TRPM3: variants seen among roughly 807,000 people sequenced by gnomAD.
TRPM3 encodes the protein long transient receptor potential channel 3.
A neutral mutation model predicts 181.2 loss-of-function variants in TRPM3; 77 were observed. The observed-to-expected ratio is 0.42, with a 90% CI of 0.35 to 0.51. The LOEUF (loss-of-function observed/expected upper bound fraction) is 0.51. Ranked by LOEUF, TRPM3 falls within the 20% of genes least tolerant of loss-of-function variation. The pLI, the probability that TRPM3 is intolerant of heterozygous loss-of-function variation, is 0.01. For missense variants in TRPM3, 1,759 were observed against 2,196.7 expected (o/e 0.80, Z 3.98); for synonymous variants, 745 against 796.4 (o/e 0.94, Z 1.09).
At chr9:71,056,928 C>T (rs548197334) in intron 1 of TRPM3, among the ~76,000 whole-genome samples, 3 of 152,058 alleles carry the variant, frequency 2.0e-5, no homozygotes, top group East Asian at 1.9e-4. Context: ...AGAGGAAAAT[C>T]GTATCAATGT....
At chr9:70,913,901 CACTGAAATATTCT>C (rs1391168006) in intron 1 of TRPM3, among the ~76,000 whole-genome samples, 1 of 152,136 alleles carries the variant, frequency 6.6e-6, no homozygotes, top group Admixed American at 6.6e-5. Flanking sequence ...AACTCCATTG[CACTGAAATATTCT>C]ACTGGTTATA....
chr9:70,538,708 G>T (rs1360814927), intron 25 of TRPM3, among the ~76,000 whole-genome samples: 2 of 152,178 alleles, frequency 1.3e-5, no homozygotes, highest in African/African-American at 2.4e-5. Flanking sequence ...GATCACAGGT[G>T]TGAACCCTGG....
chr9:70,697,051 G>A lies in TRPM3; in HGVS notation c.1273-15473C>T, dbSNP rs140879203. ...ATGGCATTTTTCTAGGGCCACTCGA[G>A]AAGAAGAAGCAAAGCAGCGTCCTTT... On this transcript the variant is annotated intron_variant, in intron 8 of 25. Coordinates refer to ENST00000677713, the MANE Select transcript of TRPM3 (RefSeq NM_001366145.2). Among the ~76,000 whole-genome samples the A allele has an allele frequency of 1.8e-3, 268 of 152,200 alleles. 1 individual carries two copies. Among genetic ancestry groups the A allele is most frequent in the African/African-American group, 6.0e-3 (249 of 41,524 alleles).
At chr9:70,853,054 C>G (rs1360101932) in intron 3 of TRPM3, among the ~76,000 whole-genome samples, 1 of 152,122 alleles carries the variant, frequency 6.6e-6, no homozygotes, top group Admixed American at 6.5e-5. Flanking sequence ...CTGACCATGT[C>G]TTTTTCTCTT....
chr9:71,114,226 T>A (rs2071776265), intron 1 of TRPM3, among the ~76,000 whole-genome samples: 1 of 152,192 alleles, frequency 6.6e-6, no homozygotes, highest in Non-Finnish European at 1.5e-5. Context: ...ATCCCTACAC[T>A]ACAACTCCTA....
At chr9:70,964,355 T>C (rs2097165541) in intron 1 of TRPM3, among the ~76,000 whole-genome samples, 1 of 152,008 alleles carries the variant, frequency 6.6e-6, no homozygotes, top group Non-Finnish European at 1.5e-5. Flanking sequence ...AACAGAGAGG[T>C]AACAGAAGAA....
intron 6 of TRPM3, chr9:70,809,935 T>A (rs367661152): frequency 3.7e-6 from 2 of 533,982 alleles, no homozygotes; most frequent in Non-Finnish European, 7.7e-6. Context: ...GTCATGGTTA[T>A]CCCAATGCAT....
At chr9:70,880,001 G>T (rs1439568248) in intron 1 of TRPM3, among the ~76,000 whole-genome samples, 2 of 152,070 alleles carry the variant, frequency 1.3e-5, no homozygotes, top group Non-Finnish European at 2.9e-5. Flanking sequence ...CAGATTACAT[G>T]CTGGAAAACA....
chr9:70,815,044 C>T (rs987798422), intron 6 of TRPM3, among the ~76,000 whole-genome samples: 1 of 152,006 alleles, frequency 6.6e-6, no homozygotes, highest in African/African-American at 2.4e-5. Context: ...AGTCTCACTC[C>T]CTGGAAACTG....
chr9:71,025,395 C>T (rs114894663), intron 1 of TRPM3, among the ~76,000 whole-genome samples: 77 of 152,224 alleles, frequency 5.1e-4, no homozygotes, highest in African/African-American at 1.8e-3. Context: ...CTCCACTGTG[C>T]GACAGCCTGA....
intron 9 of TRPM3, among the ~76,000 whole-genome samples, chr9:70,648,895 G>A (rs535921905): frequency 6.6e-5 from 10 of 151,996 alleles, no homozygotes; most frequent in Non-Finnish European, 1.2e-4. Flanking sequence ...AAAATCCCAA[G>A]AGAAAACCTA....
In TRPM3 at chr9:71,040,430, C is replaced by G. The variant is rs561857307; in HGVS notation, c.177+80748G>C. Among the ~76,000 whole-genome samples, 72 of 152,236 alleles carry G rather than the reference C, an allele frequency of 4.7e-4. 1 individual carries two copies. The highest frequency in any genetic ancestry group is 8.8e-4 in the Non-Finnish European group (60 of 68,012). ...GACATTAACAGTTACAGTGGGATGT[C>G]AGAGATATTTTCTCATGCTGTATAT... On this transcript the variant is annotated intron_variant, in intron 1 of 25. Transcript: ENST00000677713.
intron 12 of TRPM3, among the ~76,000 whole-genome samples, chr9:70,634,301 G>C (rs1215317574): frequency 6.6e-6 from 1 of 151,956 alleles, no homozygotes; most frequent in Non-Finnish European, 1.5e-5. Flanking sequence ...GTAGAGACAG[G>C]GTTTCACCAT....
chr9:71,051,697 G>A (rs1486147912), intron 1 of TRPM3, among the ~76,000 whole-genome samples: 1 of 152,130 alleles, frequency 6.6e-6, no homozygotes, highest in Non-Finnish European at 1.5e-5. Context: ...TCACCATAGA[G>A]TACTGCAGAA....
intron 3 of TRPM3, among the ~76,000 whole-genome samples, chr9:70,862,212 T>A (rs926608620): frequency 6.6e-6 from 1 of 152,122 alleles, no homozygotes; most frequent in African/African-American, 2.4e-5. Flanking sequence ...GCATCTAGAA[T>A]TTTCATAACA....
At chr9:70,816,751 A>G (rs2092724889) in intron 6 of TRPM3, among the ~76,000 whole-genome samples, 2 of 152,264 alleles carry the variant, frequency 1.3e-5, no homozygotes, top group African/African-American at 4.8e-5. Flanking sequence ...GAGAATGCAC[A>G]TGCATTAATG....
chr9:71,053,201 C>T (rs2060262414), intron 1 of TRPM3, among the ~76,000 whole-genome samples: 1 of 150,220 alleles, frequency 6.7e-6, no homozygotes, highest in Non-Finnish European at 1.5e-5. Flanking sequence ...TTTCAGTTTC[C>T]TGCTAAACAA....
chr9:71,088,902 G>C (rs1037392462), intron 1 of TRPM3, among the ~76,000 whole-genome samples: 4 of 151,734 alleles, frequency 2.6e-5, no homozygotes, highest in African/African-American at 9.7e-5. Flanking sequence ...GAAAGAGAGG[G>C]AGAAAAGGGT....
At chr9:70,574,970 C>A (rs2053537660) in intron 22 of TRPM3, among the ~76,000 whole-genome samples, 1 of 150,270 alleles carries the variant, frequency 6.7e-6, no homozygotes, top group African/African-American at 2.5e-5. Context: ...CCAACAGGGT[C>A]TCACTCTGTC....
Sources: allele counts gnomAD v4.1 joint callset (sites outside exome capture counted in the v4.1 genomes callset), GRCh38; gene constraint gnomAD v4.1.1; transcripts MANE v1.5; gene names NCBI Gene and HGNC (gene_info 2026-07-23, HGNC 2026-07-21).